The following TENM4 variants were observed in gnomAD, a reference collection of about 807,000 sequenced individuals.
The protein encoded by TENM4 is teneurin transmembrane protein 4.
In TENM4, 82 loss-of-function variants were observed where a neutral mutation model predicts 243.3. The ratio of observed to expected loss-of-function variants is 0.34; its 90% CI spans 0.28 to 0.40. The LOEUF (loss-of-function observed/expected upper bound fraction) is 0.40. Among genes scored for constraint, TENM4 ranks in the 10% least tolerant of loss-of-function variants. The pLI, the probability that TENM4 is intolerant of heterozygous loss-of-function variation, is 1.00. For synonymous variants in TENM4, 1,412 were observed against 1,456.3 expected (o/e 0.97, Z 0.69); for missense variants, 3,138 against 3,673.3 (o/e 0.85, Z 3.77).
chr11:79,096,928 G>GCGCGCGCGCACA (rs1491382120), intron 4 of TENM4: 2 of 133,886 alleles, frequency 1.5e-5, no homozygotes, highest in African/African-American at 5.3e-5. Context: ...GCGCGCGCGC[G>GCGCGCGCGCACA]CACACACACA....
chr11:78,975,305 A>T (rs946997371), intron 6 of TENM4, among the ~76,000 whole-genome samples: 5 of 151,934 alleles, frequency 3.3e-5, no homozygotes, highest in Non-Finnish European at 5.9e-5. Flanking sequence ...GAGATGGTTC[A>T]TTCACACCTC....
intron 26 of TENM4, among the ~76,000 whole-genome samples, chr11:78,709,333 T>C (rs542489058): frequency 1.3e-5 from 2 of 152,286 alleles, no homozygotes; most frequent in East Asian, 3.9e-4. Flanking sequence ...GGAATCTGAA[T>C]AGAATCCTAT....
chr11:79,242,399 G>A (rs1365141296), intron 2 of TENM4, among the ~76,000 whole-genome samples: 1 of 151,994 alleles, frequency 6.6e-6, no homozygotes, highest in Non-Finnish European at 1.5e-5. Context: ...TAAAAAACCA[G>A]AAAGGTGGAA....
intron 3 of TENM4, among the ~76,000 whole-genome samples, chr11:79,164,235 C>T (rs1358552451): frequency 5.3e-5 from 3 of 56,778 alleles, no homozygotes; most frequent in African/African-American, 1.1e-4. Context: ...ATACTATATA[C>T]AGTATATATA....
intron 6 of TENM4, among the ~76,000 whole-genome samples, chr11:79,002,800 C>T (rs1178500723): frequency 6.6e-6 from 1 of 152,154 alleles, no homozygotes; most frequent in Non-Finnish European, 1.5e-5. Context: ...CTTAACCAGG[C>T]TGAAATGTCC....
chr11:78,916,197 C>T (rs1472464642), intron 6 of TENM4, among the ~76,000 whole-genome samples: 3 of 152,200 alleles, frequency 2.0e-5, no homozygotes, highest in Admixed American at 6.5e-5. Context: ...TTTTTAACCT[C>T]TGAAAGCCTT....
At chr11:78,856,251 T>G in intron 10 of TENM4, 73 bp from the exon 11 acceptor site, 1 of 1,335,914 alleles carries the variant, frequency 7.5e-7, no homozygotes, top group South Asian at 1.3e-5. Context: ...CCAGGGCATC[T>G]GAACACCCGG....
intron 6 of TENM4, among the ~76,000 whole-genome samples, chr11:78,970,104 AG>A (rs1157485625): frequency 6.6e-6 from 1 of 152,248 alleles, no homozygotes; most frequent in Non-Finnish European, 1.5e-5. Context: ...AGAAAACTGA[AG>A]TTTCCTTCTG....
chr11:79,037,617 C>A (rs1421983441), intron 6 of TENM4, among the ~76,000 whole-genome samples: 3 of 152,174 alleles, frequency 2.0e-5, no homozygotes, highest in Non-Finnish European at 4.4e-5. Context: ...AGAAATCCTT[C>A]CCTAATCAAC....
intron 6 of TENM4, among the ~76,000 whole-genome samples, chr11:79,054,806 A>G (rs577526483): frequency 6.6e-6 from 1 of 152,232 alleles, no homozygotes; most frequent in East Asian, 1.9e-4. Context: ...TATATTTTAC[A>G]TGACAGTTGA....
intron 6 of TENM4, among the ~76,000 whole-genome samples, chr11:78,965,727 C>A (rs1857426555): frequency 6.6e-6 from 1 of 152,212 alleles, no homozygotes; most frequent in Admixed American, 6.5e-5. Flanking sequence ...CTCCTCTGGC[C>A]TCTGGGTTGC....
chr11:78,723,210 A>G (rs987849379), intron 23 of TENM4, among the ~76,000 whole-genome samples: 9 of 152,274 alleles, frequency 5.9e-5, no homozygotes, highest in African/African-American at 1.2e-4. Flanking sequence ...CACACAGAAG[A>G]TAAGTGGAAG....
intron 19 of TENM4, among the ~76,000 whole-genome samples, chr11:78,746,177 G>A (rs1590988689): frequency 6.6e-6 from 1 of 152,176 alleles, no homozygotes; most frequent in South Asian, 2.1e-4. Flanking sequence ...CTGAGTCCAC[G>A]TTCCTCATGT....
intron 6 of TENM4, among the ~76,000 whole-genome samples, chr11:78,963,309 A>G (rs1857371221): frequency 6.6e-6 from 1 of 152,232 alleles, no homozygotes; most frequent in African/African-American, 2.4e-5. Context: ...GGAGGAGGCG[A>G]TGGCTTGGGA....
chr11:78,842,641 C>A (rs115344179), intron 12 of TENM4, among the ~76,000 whole-genome samples: 1 of 152,366 alleles, frequency 6.6e-6, no homozygotes, highest in African/African-American at 2.4e-5. Flanking sequence ...ATGTACTCCT[C>A]CTACTTCCAG....
chr11:79,373,953 T>A (rs1013548190), intron 1 of TENM4, among the ~76,000 whole-genome samples: 2 of 152,010 alleles, frequency 1.3e-5, no homozygotes, highest in African/African-American at 4.8e-5. Context: ...TCCAGGACAA[T>A]TGGGGTGAGG....
chr11:78,910,841 G>A (rs978030443), intron 6 of TENM4, among the ~76,000 whole-genome samples: 1 of 152,062 alleles, frequency 6.6e-6, no homozygotes, highest in Non-Finnish European at 1.5e-5. Flanking sequence ...CCTATGTCAC[G>A]GCCAGTGCTC....
intron 6 of TENM4, among the ~76,000 whole-genome samples, chr11:79,036,788 G>T (rs1859391929): frequency 6.6e-6 from 1 of 152,078 alleles, no homozygotes; most frequent in African/African-American, 2.4e-5. Context: ...AAGGCAGGAG[G>T]ATCACAAGGT....
At chr11:79,163,574 A>G (rs916969585) in intron 3 of TENM4, among the ~76,000 whole-genome samples, 1 of 151,768 alleles carries the variant, frequency 6.6e-6, no homozygotes, top group Non-Finnish European at 1.5e-5. Flanking sequence ...CCCAAAGTCC[A>G]TTGTACCATT....
Sources: gnomAD v4.1 joint callset for allele counts (sites outside exome capture counted in the v4.1 genomes callset) on GRCh38, gnomAD v4.1.1 for gene constraint, MANE v1.5 for transcripts, NCBI Gene and HGNC (gene_info 2026-07-23, HGNC 2026-07-21) for gene names.